Variants in KRT80 observed in about 807,000 individuals in gnomAD.
KRT80 encodes the protein keratin, type II cytoskeletal 80.
In KRT80, 36 loss-of-function variants were observed where a neutral mutation model predicts 51.5. The observed-to-expected ratio is 0.70, with a 90% CI of 0.54 to 0.92. The LOEUF is 0.92. Among genes scored for constraint, KRT80 ranks in the 40% least tolerant of loss-of-function variants. The pLI is 0.00. For synonymous variants in KRT80, 235 were observed against 248.3 expected (o/e 0.95, Z 0.50); for missense variants, 566 against 591.7 (o/e 0.96, Z 0.45).
intron 4 of KRT80, among the ~76,000 whole-genome samples, chr12:52,177,933 T>C (rs988451544): frequency 6.6e-6 from 1 of 152,180 alleles, no homozygotes; most frequent in African/African-American, 2.4e-5. Flanking sequence ...AAATAAAATA[T>C]ATTATTAAAA....
In KRT80 at chr12:52,179,945, C is replaced by T. The variant is rs373176981; in HGVS notation, c.666+568G>A. 1.1e-4 allele frequency among the ~76,000 whole-genome samples: 17 copies of T among 152,316 alleles called. No individual in the cohort carries two copies. In the South Asian group the frequency reaches 1.7e-3, roughly 15 times the overall value. ...TGGAGGAGTGGTGTCCAGAAGCCAG[C>T]GGCAGTGCCCATCTAATGGCTGTGT... On this transcript the variant is annotated intron_variant, in intron 4 of 8. Transcript: ENST00000394815.
At chr12:52,182,849 G>T (rs1251268654) in intron 2 of KRT80, among the ~76,000 whole-genome samples, 1 of 152,174 alleles carries the variant, frequency 6.6e-6, no homozygotes, top group Admixed American at 6.5e-5. Context: ...TGAGCCCCAG[G>T]GGAGAGGACC....
rs1042717884 is a variant in KRT80, at chr12:52,172,434, C to T, written c.958-16G>A. 1 of 1,603,820 alleles carries T rather than the reference C, an allele frequency of 6.2e-7. No individual in the cohort carries two copies. The highest frequency in any genetic ancestry group is 1.3e-5 in the African/African-American group (1 of 74,794). ...GTTTCAGGCACTGCAGCCAGGAGGA[C>T]AGAGTGAAAGGGCCTGTGAGCAGGG... On this transcript the variant is annotated splice_polypyrimidine_tract_variant and intron_variant, in intron 6 of 8. Transcript: ENST00000394815.
rs1245456892 is a variant in KRT80 at position 52,191,970 on chromosome 12, G to T, written c.-68C>A. ...AGTGAGCCTGGGGTTGCGTCGGGTG[G>T]CAGGCTCTGGTTGCTCTGGTCACAG... On this transcript the variant is annotated 5_prime_UTR_variant, in exon 1 of 9. Transcript: ENST00000394815. 3 of 1,362,398 alleles carry T rather than the reference G, an allele frequency of 2.2e-6. No individual in the cohort carries two copies. Among genetic ancestry groups the T allele is most frequent in the South Asian group, 1.5e-5 (1 of 65,374 alleles). 84.4% of individuals were successfully genotyped at this position (1,362,398 alleles called of 1,614,324 possible).
chr12:52,181,343 G>A (rs1941317798), intron 2 of KRT80, among the ~76,000 whole-genome samples: 1 of 152,054 alleles, frequency 6.6e-6, no homozygotes, highest in South Asian at 2.1e-4. Flanking sequence ...GTTCACTCAA[G>A]TCCGCTGGGA....
intron 2 of KRT80, among the ~76,000 whole-genome samples, chr12:52,182,067 A>G (rs1021926745): frequency 6.6e-6 from 1 of 152,048 alleles, no homozygotes; most frequent in African/African-American, 2.4e-5. Context: ...CGTGGACCCA[A>G]TGGCAGGGCA....
At chr12:52,179,615 A>G (rs1941288888) in intron 4 of KRT80, among the ~76,000 whole-genome samples, 1 of 152,240 alleles carries the variant, frequency 6.6e-6, no homozygotes, top group African/African-American at 2.4e-5. Context: ...GGATGCAGCC[A>G]TGAAGCTGTG....
chr12:52,191,605 TG>T lies in KRT80; in HGVS notation c.297del (p.Lys100ArgfsTer47). ...ALNDKFASLIGKVQALEQRNQ... is the reference protein window; with the variant it reads ...ALNDKFASLIXKVQALEQRNQ... ...TGGGACCCCCTACTTGTGCTCACCT[TG>T]CCAATTAGGGAGGCAAATTTATCAT... On this transcript the variant is annotated frameshift_variant, in exon 1 of 9. Coordinates refer to ENST00000394815, the MANE Select transcript of KRT80 (RefSeq NM_182507.3). LOFTEE classifies it high-confidence loss of function. The T allele has an allele frequency of 6.3e-7, 1 of 1,582,496 alleles. No individual in the cohort carries two copies. Among genetic ancestry groups the T allele is most frequent in the Non-Finnish European group, 8.6e-7 (1 of 1,160,480 alleles).
intron 4 of KRT80, among the ~76,000 whole-genome samples, chr12:52,176,613 C>G (rs143084642): frequency 0.012 from 1,754 of 152,106 alleles, 32 homozygotes; most frequent in African/African-American, 0.04. Flanking sequence ...TCCCAAGTAG[C>G]TGGGATTACA....
chr12:52,173,787 G>T, intron 4 of KRT80, 23 bp from the exon 5 acceptor site: 1 of 1,604,568 alleles, frequency 6.2e-7, no homozygotes. Flanking sequence ...AGATGTGGGG[G>T]CTCAGGGCTG....
rs1243337629 is a variant in KRT80 at position 52,171,713 on chromosome 12, C to A, written c.1179G>T (p.Arg393Ser). The change falls in exon 8 of 9, where the codon AGG becomes AGT. Residue 393 changes from arginine (R) to serine (S), a missense_variant and splice_region_variant. Transcript: ENST00000394815. ...CCACAGTGGCTGAGGGCGAGTCCAT[C>A]CTGGGGGTGGGGGACGGGGGGGTGG... ...YRKLVEGEEG[R>S]MDSPSATVVS... 1.5e-6 allele frequency: 1 copy of A among 652,560 alleles called. No homozygotes were observed. Among genetic ancestry groups the A allele is most frequent in the African/African-American group, 2.0e-5 (1 of 50,488 alleles). The allele number at this position is 652,560 out of a possible 1,614,324, so 40.4% of individuals were successfully genotyped here. A position where few individuals can be genotyped will look rare whatever the true frequency, so the allele number is the denominator to read the frequency against.
At position 52,173,673 on chromosome 12, in the gene KRT80, T is replaced by C; in HGVS notation, c.758A>G (p.Glu253Gly). The stretch of plus-strand genomic sequence containing the variant: ...GGCGTCATACTGGGCCTTCACCTCC[T>C]CCACGATGCCGCTCAGGTCGATGTG... Reference protein sequence around the residue: ...RCHIDLSGIVEEVKAQYDAVA... With the variant: ...RCHIDLSGIVGEVKAQYDAVA... The change falls in exon 5 of 9, where the codon GAG (glutamate) becomes GGG (glycine). Residue 253 changes from glutamate to glycine, a missense_variant. Transcript: ENST00000394815. 1 of 1,613,124 alleles carries C rather than the reference T, an allele frequency of 6.2e-7. No homozygotes were observed. The highest frequency in any genetic ancestry group is 8.5e-7 in the Non-Finnish European group (1 of 1,180,004).
intron 1 of KRT80, among the ~76,000 whole-genome samples, chr12:52,190,957 C>T (rs1187599476): frequency 6.6e-6 from 1 of 152,096 alleles, no homozygotes; most frequent in Non-Finnish European, 1.5e-5. Context: ...TGAGGATGCA[C>T]CTCCCGCAGT....
At chr12:52,191,019 C>G (rs115865031) in intron 1 of KRT80, among the ~76,000 whole-genome samples, 2 of 152,140 alleles carry the variant, frequency 1.3e-5, no homozygotes, top group Non-Finnish European at 2.9e-5. Context: ...TGTTCTGACT[C>G]GAGGCATCGT....
Position 52,191,753 on chromosome 12 carries a change from C to T in KRT80, c.150G>A (p.Trp50Ter). ...TCACCTTGGAGATAGTGCCAGCCGA[C>T]CAGCAGCCTGTGAGGCTGCGGGAGC... ...GFSSRSLTGC[W>*]SAGTISKVTV... The change falls in exon 1 of 9, where the codon TGG becomes TGA. Residue 50 changes from tryptophan (W) to a stop codon, truncating the protein, a stop_gained. Transcript: ENST00000394815. LOFTEE classifies it high-confidence loss of function. The T allele has an allele frequency of 6.2e-7, 1 of 1,613,364 alleles. No individual in the cohort carries two copies. Among genetic ancestry groups the T allele is most frequent in the Non-Finnish European group, 8.5e-7 (1 of 1,179,860 alleles).
chr12:52,191,511 G>A (rs991877920), intron 1 of KRT80, 92 bp downstream of exon 1: 33 of 1,272,994 alleles, frequency 2.6e-5, no homozygotes, highest in Non-Finnish European at 3.3e-5. Flanking sequence ...CAGGGGTGGG[G>A]CGCGGTGATC....
chr12:52,180,807 G>A (rs1192585803), intron 3 of KRT80, 96 bp downstream of exon 3: 3 of 1,600,082 alleles, frequency 1.9e-6, no homozygotes, highest in Non-Finnish European at 2.6e-6. Context: ...GCCTCTGAGG[G>A]CTTTGATTGG....
intron 7 of KRT80, 22 bp from the exon 8 acceptor site, chr12:52,171,735 G>C (rs754684161): frequency 2.2e-6 from 3 of 1,353,586 alleles, no homozygotes; most frequent in Non-Finnish European, 3.1e-6. Context: ...GGACGGGGGG[G>C]TGGGAGAGGG....
intron 2 of KRT80, among the ~76,000 whole-genome samples, chr12:52,182,763 G>A (rs540733925): frequency 1.1e-3 from 161 of 152,274 alleles, no homozygotes; most frequent in African/African-American, 3.4e-3. Context: ...GCATCCTCAC[G>A]GTATCCTGGC....
Sources: gnomAD v4.1 joint callset for allele counts (sites outside exome capture counted in the v4.1 genomes callset) on GRCh38, gnomAD v4.1.1 for gene constraint, MANE v1.5 for transcripts, NCBI Gene and HGNC (gene_info 2026-07-23, HGNC 2026-07-21) for gene names.